MMAA: variants seen among roughly 807,000 people sequenced by gnomAD.
MMAA encodes the protein metabolism of cobalamin associated A, also known as methylmalonic aciduria type A protein, mitochondrial.
MMAA carries 41 observed loss-of-function variants against 45.0 expected under a neutral mutation model. The ratio of observed to expected loss-of-function variants is 0.91; its 90% confidence interval spans 0.71 to 1.18. The LOEUF is 1.18. MMAA is among the 50% of genes most tolerant of loss of function. The pLI, the probability that MMAA is intolerant of heterozygous loss-of-function variation, is 0.00. For missense variants in MMAA, 460 were observed against 495.7 expected, an observed-to-expected ratio of 0.93 and a Z score of 0.68; for synonymous variants, 154 against 178.2, an observed-to-expected ratio of 0.86 and a Z score of 1.08.
At chr4:145,633,675 A>G (rs1727526109) in intron 1 of MMAA, among the ~76,000 whole-genome samples, 3 of 152,172 alleles carry the variant, frequency 2.0e-5, no homozygotes, top group African/African-American at 7.2e-5. Context: ...CTGGACATTA[A>G]GGACTTAGGT....
At chr4:145,649,125 CAAAAAAAA>C (rs201679920) in intron 4 of MMAA, among the ~76,000 whole-genome samples, 10,855 of 89,838 alleles carry the variant, frequency 0.12, 506 homozygotes, top group South Asian at 0.24. Flanking sequence ...TTGGTTCTAT[CAAAAAAAA>C]AAAAAAAAAA....
At chr4:145,654,815 G>C (rs960011110) in intron 6 of MMAA, among the ~76,000 whole-genome samples, 6 of 152,226 alleles carry the variant, frequency 3.9e-5, no homozygotes, top group African/African-American at 1.2e-4. Context: ...GTCCTCAGGG[G>C]AACCTACCTG....
In MMAA at chr4:145,625,344, G is replaced by A. The variant is rs11941545; in HGVS notation, c.-66+5937G>A. On this transcript the variant is annotated intron_variant, in intron 1 of 6. Coordinates refer to ENST00000649156, the MANE Select transcript of MMAA (RefSeq NM_172250.3). ...GAAGTCTGTCTATTCTCCAAGGTCT[G>A]CTTTTTGGTGAGCCAGTCCTGGGGG... The A allele has an allele frequency of 1.4e-4, 102 of 705,134 alleles. No individual in the cohort carries two copies. The African/African-American group carries it at 1.5e-3, about 10-fold the overall frequency. The allele number at this position is 705,134 out of a possible 1,614,324, so 43.7% of individuals were successfully genotyped here.
intron 1 of MMAA, among the ~76,000 whole-genome samples, chr4:145,620,048 C>G (rs551762478): frequency 1.3e-5 from 2 of 152,198 alleles, no homozygotes; most frequent in East Asian, 3.9e-4. Flanking sequence ...AGAGTTGTAC[C>G]CTAATCCATA....
intron 3 of MMAA, among the ~76,000 whole-genome samples, chr4:145,643,241 C>G (rs762348484): frequency 4.6e-5 from 7 of 152,184 alleles, no homozygotes; most frequent in Non-Finnish European, 1.0e-4. Context: ...CAGTTACTCA[C>G]TTAGCAAGTA....
Position 145,658,691 on chromosome 4 carries a change from C to CAAAAAAAAAAA in MMAA, c.*3264_*3274dup, listed in dbSNP as rs33978754. 3 of 88,710 alleles carry CAAAAAAAAAAA rather than the reference C, an allele frequency of 3.4e-5. No homozygotes were observed. The highest frequency in any genetic ancestry group is 3.6e-5 in the African/African-American group (1 of 27,404). 5.5% of individuals were successfully genotyped at this position (88,710 alleles called of 1,614,324 possible). A position where few individuals can be genotyped will look rare whatever the true frequency, so the allele number is the denominator to read the frequency against. ...AATTTATGTAGTTGAACCTCTAAGG[C>CAAAAAAAAAAA]AAAAAAAAAAAAAAAAAGGAAAAAT... is the stretch of plus-strand genomic sequence containing the variant. On this transcript the variant is annotated 3_prime_UTR_variant, in exon 7 of 7. Transcript: ENST00000649156.
chr4:145,655,334 G>A lies in MMAA; in HGVS notation c.1157G>A (p.Arg386Gln), dbSNP rs191643294. 3.8e-5 allele frequency: 61 copies of A among 1,614,154 alleles called. No homozygotes were observed. The Middle Eastern group carries it at 8.2e-4, about 22-fold the overall frequency. Reference sequence around the variant, plus strand: ...CATTTCAGGACCCACCCCACAGTCCGGGAACAGATTCCACTTCTGGAACAA... The same window carrying A: ...CATTTCAGGACCCACCCCACAGTCCAGGAACAGATTCCACTTCTGGAACAA... ...LEHFRTHPTV[R>Q]EQIPLLEQKV... Residue 386 changes from arginine (R) to glutamine (Q), a missense_variant, in exon 7 of 7, where the codon CGG becomes CAG. Transcript: ENST00000649156.
chr4:145,628,251 G>A (rs1274407410), intron 1 of MMAA, among the ~76,000 whole-genome samples: 2 of 152,112 alleles, frequency 1.3e-5, no homozygotes, highest in African/African-American at 2.4e-5. Flanking sequence ...TCTTACCATA[G>A]AACTGTATTA....
At position 145,625,634 on chromosome 4, in the gene MMAA, A is replaced by G. The variant is rs909940868; in HGVS notation, c.-66+6227A>G. Reference sequence around the variant, plus strand: ...CAGCTTCAAAGAGTAGGACATTTGAATCTTCATACTTAAGGGTCAAACTGC... The same window carrying G: ...CAGCTTCAAAGAGTAGGACATTTGAGTCTTCATACTTAAGGGTCAAACTGC... On this transcript the variant is annotated intron_variant, in intron 1 of 6. Coordinates refer to ENST00000649156, the MANE Select transcript of MMAA (RefSeq NM_172250.3). 9 of 923,250 alleles carry G rather than the reference A, an allele frequency of 9.7e-6. No homozygotes were observed. In the East Asian group the frequency reaches 1.4e-4, roughly 15 times the overall value. The allele number at this position is 923,250 out of a possible 1,614,324, so 57.2% of individuals were successfully genotyped here.
rs868815345 is a variant in MMAA, at chr4:145,653,892, A to G, written c.820-102A>G. Reference sequence around the variant, plus strand: ...CTTGGCATCCAGGGCTTAGGAGGATATGGATGAAAAGTTAATGAAATGTAT... The same window carrying G: ...CTTGGCATCCAGGGCTTAGGAGGATGTGGATGAAAAGTTAATGAAATGTAT... On this transcript the variant is annotated intron_variant, in intron 5 of 6. Transcript: ENST00000649156. 12 of 1,238,270 alleles carry G rather than the reference A, an allele frequency of 9.7e-6. 1 individual carries two copies. The highest frequency in any genetic ancestry group is 3.6e-5 in the South Asian group (3 of 82,666). The allele number at this position is 1,238,270 out of a possible 1,614,324, so 76.7% of individuals were successfully genotyped here.
At chr4:145,646,739 C>G (rs1031600077) in intron 4 of MMAA, 1 of 153,840 alleles carries the variant, frequency 6.5e-6, no homozygotes, top group Non-Finnish European at 1.4e-5. Context: ...AACTCAGTTT[C>G]GAAGGAAGAA....
chr4:145,646,146 T>G lies in MMAA; in HGVS notation c.723T>G (p.Ile241Met). Residue 241 changes from isoleucine (I) to methionine (M), a missense_variant, in exon 4 of 7, where the codon ATT becomes ATG. Coordinates refer to ENST00000649156, the MANE Select transcript of MMAA (RefSeq NM_172250.3). ...GAGCGGGATATGACATAATTCTTAT[T>G]GAAACCGTTGGTGAGTGTGATATTC... is the stretch of plus-strand genomic sequence containing the variant. ...CEGAGYDIIL[I>M]ETVGVGQSEF... is the part of the protein sequence containing the mutation. The G allele has an allele frequency of 6.2e-7, 1 of 1,614,090 alleles. No individual in the cohort carries two copies.
chr4:145,638,987 T>G lies in MMAA; in HGVS notation c.-65-88T>G, dbSNP rs959192167. The G allele has an allele frequency of 5.8e-6, 4 of 692,710 alleles. No homozygotes were observed. The African/African-American group carries it at 7.2e-5, about 12-fold the overall frequency. The allele number at this position is 692,710 out of a possible 1,614,324, so 42.9% of individuals were successfully genotyped here. ...AACTCTGATTATGTGTGGTTTAGAATATGGGGGAAACACTAGGCTTTCAAA... is the reference window on the plus strand; with the variant it reads ...AACTCTGATTATGTGTGGTTTAGAAGATGGGGGAAACACTAGGCTTTCAAA... On this transcript the variant is annotated intron_variant, in intron 1 of 6. Coordinates refer to ENST00000649156, the MANE Select transcript of MMAA (RefSeq NM_172250.3).
At chr4:145,624,472 C>T (rs562937052) in intron 1 of MMAA, 2 of 895,174 alleles carry the variant, frequency 2.2e-6, no homozygotes, top group African/African-American at 3.3e-5. Flanking sequence ...GTATTAGGCC[C>T]TTTCTTAGGA....
At chr4:145,646,346 AAG>A (rs1727928176) in intron 4 of MMAA, 190 bp downstream of exon 4, 10 of 639,588 alleles carry the variant, frequency 1.6e-5, no homozygotes, top group Admixed American at 1.5e-4. Flanking sequence ...TTATTTTAAA[AAG>A]TAAAAATAAG....
intron 5 of MMAA, among the ~76,000 whole-genome samples, chr4:145,652,263 G>A (rs2126627971): frequency 6.6e-6 from 1 of 152,170 alleles, no homozygotes. Context: ...AGTTTTTCTT[G>A]GGGTTTCATT....
Position 145,639,352 on chromosome 4 carries a change from A to G in MMAA, c.213A>G (p.Leu71=), listed in dbSNP as rs1411890697. Residue 71 remains leucine (L), a synonymous_variant, in exon 2 of 7, where the codon TTA becomes TTG. Transcript: ENST00000649156. ...GAAAATTATGTGTACAAACAACCTT[A>G]AAGGACCACACAGAAGGACTTTCTG... is the stretch of plus-strand genomic sequence containing the variant. The part of the protein sequence containing the change: ...LKRKLCVQTT[L]KDHTEGLSDK... 1 of 1,614,082 alleles carries G rather than the reference A, an allele frequency of 6.2e-7. No individual in the cohort carries two copies. The highest frequency in any genetic ancestry group is 1.3e-5 in the African/African-American group (1 of 74,948).
At chr4:145,624,709 C>T (rs1456667916) in intron 1 of MMAA, 3 of 1,553,838 alleles carry the variant, frequency 1.9e-6, no homozygotes, top group Non-Finnish European at 2.7e-6. Flanking sequence ...CCATTTTTAT[C>T]CTTTCCTTCT....
At chr4:145,643,023 A>G (rs1727829511) in intron 3 of MMAA, among the ~76,000 whole-genome samples, 1 of 152,216 alleles carries the variant, frequency 6.6e-6, no homozygotes, top group African/African-American at 2.4e-5. Context: ...AGCATAGTAC[A>G]TTGTACGTTG....
Sources: allele counts gnomAD v4.1 joint callset (sites outside exome capture counted in the v4.1 genomes callset), GRCh38; gene constraint gnomAD v4.1.1; transcripts MANE v1.5; gene names NCBI Gene and HGNC (gene_info 2026-07-23, HGNC 2026-07-21).